CELF2: variants seen among roughly 807,000 people sequenced by gnomAD.
CELF2 encodes the protein CUG triplet repeat RNA-binding protein 2.
CELF2 carries 8 observed loss-of-function variants against 62.6 expected under a neutral mutation model. The ratio of observed to expected loss-of-function variants is 0.13; its 90% CI spans 0.07 to 0.23. The LOEUF is 0.23. CELF2 is among the 10% of genes least tolerant of loss of function. The probability of loss-of-function intolerance (pLI) is 1.00; values close to 1 mark genes in which losing one functional copy is unlikely to be tolerated. For synonymous variants in CELF2, 258 were observed against 250.0 expected, an observed-to-expected ratio of 1.03 and a Z score of -0.30; for missense variants, 333 against 671.0, an observed-to-expected ratio of 0.50 and a Z score of 5.56.
chr10:10,928,883 G>A lies in CELF2; in HGVS notation c.89+8884G>A, dbSNP rs1231928121. On this transcript the variant is annotated intron_variant, in intron 2 of 13. Transcript: ENST00000636488. The surrounding 1 kb of genome is among the most constrained non-coding windows in gnomAD (Gnocchi z 4.8). Reference sequence around the variant, plus strand: ...AGTGCCTAGCAGTGCCTGGAACATAGTAGGCACGAATAAATATTTGCATAA... The same window carrying A: ...AGTGCCTAGCAGTGCCTGGAACATAATAGGCACGAATAAATATTTGCATAA... 1.3e-5 allele frequency among the ~76,000 whole-genome samples: 2 copies of A among 152,176 alleles called. No individual in the cohort carries two copies. The highest frequency in any genetic ancestry group is 6.5e-5 in the Admixed American group (1 of 15,278).
At chr10:10,891,434 G>T (rs771870608) in intron 1 of CELF2, among the ~76,000 whole-genome samples, 12 of 151,894 alleles carry the variant, frequency 7.9e-5, no homozygotes, top group South Asian at 2.1e-4. Context: ...ATTGTCATCA[G>T]CAGCAGCAGC....
chr10:11,018,250 C>A lies in CELF2; in HGVS notation c.74+87C>A, dbSNP rs538416441. ...CGAAGGGGACGGGCGTCGCCCGCAG[C>A]TCCCGGGCGCGACTCGGCCGCTTCG... On this transcript the variant is annotated intron_variant, in intron 1 of 12. Transcript: ENST00000633077. 2.4e-5 allele frequency: 28 copies of A among 1,183,554 alleles called. No homozygotes were observed. In the African/African-American group the frequency reaches 4.2e-4, roughly 18 times the overall value. 73.3% of individuals were successfully genotyped at this position (1,183,554 alleles called of 1,614,324 possible).
In CELF2 at chr10:11,171,047, T is replaced by G. The variant is rs569722872; in HGVS notation, c.271+5365T>G. 7.2e-5 allele frequency among the ~76,000 whole-genome samples: 11 copies of G among 152,272 alleles called. No homozygotes were observed. In the South Asian group the frequency reaches 2.3e-3, roughly 32 times the overall value. On this transcript the variant is annotated intron_variant, in intron 2 of 12. Transcript: ENST00000633077. ...TGTTGATCACATTTTACTGGTCTCT[T>G]TTGGCAACTTCTCAGCTCAAAGAGA...
chr10:10,989,615 C>CAGGGT lies in CELF2; in HGVS notation c.89+69620_89+69624dup, dbSNP rs760788264. Among the ~76,000 whole-genome samples the CAGGGT allele has an allele frequency of 8.4e-4, 128 of 151,926 alleles. 1 individual carries two copies. Among genetic ancestry groups the CAGGGT allele is most frequent in the Admixed American group, 2.2e-3 (34 of 15,240 alleles). On this transcript the variant is annotated intron_variant, in intron 2 of 13. Transcript: ENST00000636488. ...AAACACAAAGGTAAAAATCTACTCT[C>CAGGGT]AGGGTAGGTGAGACTTTTTATGTTA... is the stretch of plus-strand genomic sequence containing the variant.
At chr10:11,287,782 C>G (rs1011800550) in intron 8 of CELF2, among the ~76,000 whole-genome samples, 5 of 152,184 alleles carry the variant, frequency 3.3e-5, no homozygotes, top group Non-Finnish European at 7.3e-5. Context: ...TAACGTTGTG[C>G]CAAAGTAATT....
chr10:11,075,906 GAAT>G lies in CELF2; in HGVS notation c.74+57744_74+57746del, dbSNP rs1564630211. On this transcript the variant is annotated intron_variant, in intron 1 of 12. Coordinates refer to ENST00000633077, the MANE Select transcript of CELF2 (RefSeq NM_001326342.2). The surrounding 1 kb of genome is among the most constrained non-coding windows in gnomAD (Gnocchi z 5.4). ...ATAAACTGCCAACATCAGTATCTCA[GAAT>G]GAGTGAAACAAAAAGCTTTCCTTTT... 6.6e-6 allele frequency among the ~76,000 whole-genome samples: 1 copy of G among 152,074 alleles called. No individual in the cohort carries two copies. The highest frequency in any genetic ancestry group is 2.4e-5 in the African/African-American group (1 of 41,418).
the CELF2 span, among the ~76,000 whole-genome samples, chr10:10,635,555 C>G: frequency 6.6e-6 from 1 of 151,938 alleles, no homozygotes; most frequent in Non-Finnish European, 1.5e-5. Flanking sequence ...TTAATTAAGC[C>G]CCAAATGTTA....
At chr10:11,216,774 T>A (rs2063470010) in intron 2 of CELF2, among the ~76,000 whole-genome samples, 1 of 152,264 alleles carries the variant, frequency 6.6e-6, no homozygotes, top group Non-Finnish European at 1.5e-5. Context: ...CACAGCCATA[T>A]ATGTAATGCA....
chr10:10,536,022 A>AT, the CELF2 span, among the ~76,000 whole-genome samples: 123,325 of 140,250 alleles, frequency 0.88, 54,928 homozygotes, highest in South Asian at 0.96. Flanking sequence ...AAGCTTTTGG[A>AT]TTTTTTTTTT....
intron 1 of CELF2, among the ~76,000 whole-genome samples, chr10:11,115,711 A>G (rs1407054100): frequency 6.6e-6 from 1 of 152,240 alleles, no homozygotes; most frequent in African/African-American, 2.4e-5. Flanking sequence ...GAGGAAAAAC[A>G]ATAGACCTAA....
chr10:11,136,252 T>C (rs2060420860), intron 1 of CELF2, among the ~76,000 whole-genome samples: 1 of 152,146 alleles, frequency 6.6e-6, no homozygotes, highest in Non-Finnish European at 1.5e-5. Flanking sequence ...ATAGAGAATA[T>C]AGCATGGTTC....
the CELF2 span, among the ~76,000 whole-genome samples, chr10:10,543,287 T>C: frequency 6.6e-6 from 1 of 152,172 alleles, no homozygotes; most frequent in African/African-American, 2.4e-5. Context: ...GTGGAGAATG[T>C]TCTCTTTCCA....
chr10:10,933,536 A>G (rs2066314045), intron 2 of CELF2, among the ~76,000 whole-genome samples: 1 of 152,180 alleles, frequency 6.6e-6, no homozygotes, highest in Non-Finnish European at 1.5e-5. Context: ...TAGAGCAACA[A>G]GAGCTTAGTA....
intron 1 of CELF2, among the ~76,000 whole-genome samples, chr10:10,804,712 C>T (rs2055028270): frequency 6.6e-6 from 1 of 152,220 alleles, no homozygotes. Context: ...TTAATGAAAA[C>T]AGCACACGTT....
At chr10:10,570,662 A>G in the CELF2 span, among the ~76,000 whole-genome samples, 1 of 152,124 alleles carries the variant, frequency 6.6e-6, no homozygotes, top group Non-Finnish European at 1.5e-5. Flanking sequence ...ACAATGTAAG[A>G]TGCCACAATA....
intron 2 of CELF2, among the ~76,000 whole-genome samples, chr10:10,927,457 T>C (rs1310133758): frequency 6.6e-6 from 1 of 151,920 alleles, no homozygotes; most frequent in Non-Finnish European, 1.5e-5. Context: ...GAAATGGGTC[T>C]CACTCTGTTG....
chr10:10,588,615 G>C, the CELF2 span, among the ~76,000 whole-genome samples: 1 of 152,184 alleles, frequency 6.6e-6, no homozygotes, highest in Non-Finnish European at 1.5e-5. Flanking sequence ...AGGGATTGTA[G>C]ATGACTCAAG....
chr10:10,655,301 G>A, the CELF2 span, among the ~76,000 whole-genome samples: 19 of 135,028 alleles, frequency 1.4e-4, no homozygotes, highest in East Asian at 3.6e-3. Context: ...ACTGCCCAAG[G>A]TAATTTACAG....
chr10:11,225,978 G>T (rs550816831), intron 3 of CELF2, among the ~76,000 whole-genome samples: 19 of 152,324 alleles, frequency 1.2e-4, no homozygotes, highest in Non-Finnish European at 2.6e-4. Flanking sequence ...AGCAGTGATG[G>T]AACTGGAATT....
Sources: allele counts gnomAD v4.1 joint callset (sites outside exome capture counted in the v4.1 genomes callset), GRCh38; gene constraint gnomAD v4.1.1; non-coding constraint Gnocchi (gnomAD v3.1); transcripts MANE v1.5; gene names NCBI Gene and HGNC (gene_info 2026-07-23, HGNC 2026-07-21).